The following FANCI variants were observed in gnomAD, a reference collection of about 807,000 sequenced individuals.
FANCI encodes the protein FA complementation group I.
FANCI carries 156 observed loss-of-function variants against 176.1 expected under a neutral mutation model. That is an observed-to-expected ratio of 0.89 (90% CI 0.78 to 1.01). FANCI has a LOEUF of 1.01. Among genes scored for constraint, FANCI ranks in the 50% least tolerant of loss-of-function variants. FANCI has a pLI of 0.00. For missense variants in FANCI, 1,678 were observed against 1,534.1 expected (o/e 1.09, Z -1.57); for synonymous variants, 613 against 541.7 (o/e 1.13, Z -1.83).
In FANCI at chr15:89,247,719, G is replaced by T; in HGVS notation, c.72G>T (p.Leu24=). The change falls in exon 2 of 38, where the codon CTG becomes CTT. Residue 24 remains leucine (L), a synonymous_variant. Transcript: ENST00000310775. ...AACTGCAAGAATTTCTTCAAACCCT[G>T]AGAGAAGGTGATGTGAGTATTAGGA... ...ADKLQEFLQT[L]REGDLTNLLQ... 6.2e-7 allele frequency: 1 copy of T among 1,613,832 alleles called. No individual in the cohort carries two copies. Among genetic ancestry groups the T allele is most frequent in the Non-Finnish European group, 8.5e-7 (1 of 1,179,806 alleles).
rs370935192 is a variant in FANCI, at chr15:89,264,753, T to C, written c.755+146T>C. 643 of 637,950 alleles carry C rather than the reference T, an allele frequency of 1.0e-3. 14 individuals carry two copies. In the South Asian group the frequency reaches 0.01, roughly 10 times the overall value. 39.5% of individuals were successfully genotyped at this position (637,950 alleles called of 1,614,324 possible). A position where few individuals can be genotyped will look rare whatever the true frequency, so the allele number is the denominator to read the frequency against. ...TAATCTTCTCTTAGCTACTCAGTAATAAAGAGAATAACATGATCTCTTCAG... is the reference window on the plus strand; with the variant it reads ...TAATCTTCTCTTAGCTACTCAGTAACAAAGAGAATAACATGATCTCTTCAG... On this transcript the variant is annotated intron_variant, in intron 9 of 37. Transcript: ENST00000310775.
In FANCI at chr15:89,283,205, C is replaced by T. The variant is rs2053681878; in HGVS notation, c.1653C>T (p.Gly551=). ...LLLLKNFKVL[G]SLSSSQCSQS... ...TCCTGAAGAACTTTAAAGTTTTAGG[C>T]AGCCTGTCATCCTCTCAGTGCAGTC... The change falls in exon 17 of 38, where the codon GGC becomes GGT. Residue 551 remains glycine, a synonymous_variant. Coordinates refer to ENST00000310775, the MANE Select transcript of FANCI (RefSeq NM_001113378.2). 6.2e-7 allele frequency: 1 copy of T among 1,614,124 alleles called. No homozygotes were observed. The highest frequency in any genetic ancestry group is 2.2e-5 in the East Asian group (1 of 44,876).
rs751475102 is a variant in FANCI, at chr15:89,260,811, G to A, written c.256G>A (p.Ala86Thr). Residue 86 changes from alanine (A) to threonine (T), a missense_variant, in exon 4 of 38, where the codon GCG (alanine) becomes ACG (threonine). This residue lies in a region of FANCI where 469 missense variants were observed against 436.9 expected (regional missense o/e 1.07). Transcript: ENST00000310775. ...VESGDLQKEI[A>T]SEIIGLLMLE... Reference sequence around the variant, plus strand: ...ATCGGGGGATTTGCAGAAAGAAATAGCGTCTGAGATCATAGGATTACTGAT... The same window carrying A: ...ATCGGGGGATTTGCAGAAAGAAATAACGTCTGAGATCATAGGATTACTGAT... 1 of 1,614,020 alleles carries A rather than the reference G, an allele frequency of 6.2e-7. No individual in the cohort carries two copies. Among genetic ancestry groups the A allele is most frequent in the South Asian group, 1.1e-5 (1 of 91,078 alleles).
chr15:89,316,638 G>A lies in FANCI; in HGVS notation c.*179G>A. 8.6e-7 allele frequency: 1 copy of A among 1,160,142 alleles called. No individual in the cohort carries two copies. Among genetic ancestry groups the A allele is most frequent in the Admixed American group, 1.8e-5 (1 of 55,916 alleles). 71.9% of individuals were successfully genotyped at this position (1,160,142 alleles called of 1,614,324 possible). A position where few individuals can be genotyped will look rare whatever the true frequency, so the allele number is the denominator to read the frequency against. On this transcript the variant is annotated 3_prime_UTR_variant, in exon 38 of 38. Coordinates refer to ENST00000310775, the MANE Select transcript of FANCI (RefSeq NM_001113378.2). ...TTGGCAGGTCCTGCTACTGAAAAAT[G>A]GCTGGCCTTAGGCAAGCCCTTTTGC...
intron 16 of FANCI, chr15:89,282,160 G>C (rs1186755799): frequency 5.5e-6 from 2 of 364,142 alleles, no homozygotes; most frequent in Non-Finnish European, 1.1e-5. Context: ...TCTAACATCA[G>C]AGCTTGTGAT....
chr15:89,295,447 C>T (rs767415079), intron 24 of FANCI, among the ~76,000 whole-genome samples: 4 of 151,598 alleles, frequency 2.6e-5, no homozygotes, highest in Non-Finnish European at 5.9e-5. Context: ...GGGTGGATTA[C>T]CTGAGGTTGG....
intron 13 of FANCI, among the ~76,000 whole-genome samples, chr15:89,278,053 AATT>A (rs1414040123): frequency 1.3e-5 from 2 of 152,192 alleles, no homozygotes; most frequent in African/African-American, 4.8e-5. Flanking sequence ...TTTATATTTA[AATT>A]ATTATTTTTC....
Position 89,260,775 on chromosome 15 carries a change from C to T in FANCI, c.220C>T (p.Gln74Ter), listed in dbSNP as rs2052680692. ...ACGTAAGATATACACTTGTTGTATCCAGTTGGTGGAATCGGGGGATTTGCA... is the reference window on the plus strand; with the variant it reads ...ACGTAAGATATACACTTGTTGTATCTAGTTGGTGGAATCGGGGGATTTGCA... ...RRRKIYTCCI[Q>*]LVESGDLQKE... Residue 74 changes from glutamine to a stop codon, truncating the protein, a stop_gained, in exon 4 of 38, where the codon CAG becomes TAG. Transcript: ENST00000310775. LOFTEE classifies it high-confidence loss of function. 1 of 1,613,796 alleles carries T rather than the reference C, an allele frequency of 6.2e-7. No individual in the cohort carries two copies. Among genetic ancestry groups the T allele is most frequent in the African/African-American group, 1.3e-5 (1 of 74,888 alleles).
At chr15:89,278,572 G>C (rs2053492649) in intron 13 of FANCI, 115 bp from the exon 14 acceptor site, 3 of 738,602 alleles carry the variant, frequency 4.1e-6, no homozygotes, top group Non-Finnish European at 7.2e-6. Context: ...ATTATATTCT[G>C]ATTTTTTGAG....
chr15:89,254,198 AAAAT>A (rs755234732), intron 2 of FANCI, among the ~76,000 whole-genome samples: 10 of 152,158 alleles, frequency 6.6e-5, no homozygotes, highest in South Asian at 6.2e-4. Context: ...TCTCTATAAA[AAAAT>A]AAATAAATAA....
intron 14 of FANCI, among the ~76,000 whole-genome samples, chr15:89,280,845 T>C (rs2053586900): frequency 6.6e-6 from 1 of 152,220 alleles, no homozygotes; most frequent in Admixed American, 6.5e-5. Flanking sequence ...ATAGTAAAAA[T>C]TCAGAAATAT....
intron 33 of FANCI, 28 bp downstream of exon 33, chr15:89,307,557 T>TG (rs1441019577): frequency 6.2e-7 from 1 of 1,614,032 alleles, no homozygotes; most frequent in African/African-American, 1.3e-5. Flanking sequence ...TTCCTAGGAA[T>TG]GGGGGAAGCA....
chr15:89,283,300 A>G (rs770211594), intron 17 of FANCI, 50 bp downstream of exon 17: 3 of 1,611,796 alleles, frequency 1.9e-6, no homozygotes, highest in African/African-American at 2.7e-5. Context: ...ATTCATGTGC[A>G]TCGATGAAAT....
chr15:89,253,053 A>C (rs1319958318), intron 2 of FANCI, among the ~76,000 whole-genome samples: 1 of 152,226 alleles, frequency 6.6e-6, no homozygotes, highest in Admixed American at 6.5e-5. Flanking sequence ...ACACCACAAA[A>C]ACTTTTATAA....
In FANCI at chr15:89,282,074, G is replaced by A. The variant is rs1287989057; in HGVS notation, c.1583+239G>A. 10 of 490,998 alleles carry A rather than the reference G, an allele frequency of 2.0e-5. No individual in the cohort carries two copies. The East Asian group carries it at 3.1e-4, about 15-fold the overall frequency. The allele number at this position is 490,998 out of a possible 1,614,324, so 30.4% of individuals were successfully genotyped here. A position where few individuals can be genotyped will look rare whatever the true frequency, so the allele number is the denominator to read the frequency against. ...AATTCCCATTTTACAGATAAGAAAA[G>A]TTAGGCTTAGAGAAGATGAGTGACT... On this transcript the variant is annotated intron_variant, in intron 16 of 37. Coordinates refer to ENST00000310775, the MANE Select transcript of FANCI (RefSeq NM_001113378.2).
chr15:89,260,935 C>A, intron 4 of FANCI, 92 bp downstream of exon 4: 1 of 1,475,472 alleles, frequency 6.8e-7, no homozygotes, highest in Non-Finnish European at 9.4e-7. Flanking sequence ...CCCAACCTAG[C>A]ATAGTCCTTA....
chr15:89,294,402 A>G (rs929499526), intron 23 of FANCI, among the ~76,000 whole-genome samples: 3 of 152,130 alleles, frequency 2.0e-5, no homozygotes, highest in Non-Finnish European at 4.4e-5. Flanking sequence ...CATGACCGAT[A>G]TGGTGCGACC....
At chr15:89,313,090 C>A in intron 35 of FANCI, 118 bp downstream of exon 35, 1 of 994,028 alleles carries the variant, frequency 1.0e-6, no homozygotes, top group South Asian at 1.3e-5. Context: ...ATGAAGTGCC[C>A]AGAATAAATC....
chr15:89,254,273 A>C (rs1175844784), intron 2 of FANCI, among the ~76,000 whole-genome samples: 36 of 152,200 alleles, frequency 2.4e-4, no homozygotes, highest in Non-Finnish European at 2.4e-4. Context: ...TTGCTGTTTC[A>C]TAACCATTCC....
Sources: gnomAD v4.1 joint callset for allele counts (sites outside exome capture counted in the v4.1 genomes callset) on GRCh38, gnomAD v4.1.1 for gene constraint, gnomAD v4.1.1 regional missense constraint, MANE v1.5 for transcripts, NCBI Gene and HGNC (gene_info 2026-07-23, HGNC 2026-07-21) for gene names.